UNC13D: variants seen among roughly 807,000 people sequenced by gnomAD.
UNC13D encodes protein unc-13 homolog D.
In UNC13D, 115 loss-of-function variants were observed where a neutral mutation model predicts 151.7. That is an observed-to-expected ratio of 0.76 (90% CI 0.65 to 0.88). UNC13D has a LOEUF of 0.88. UNC13D is among the 40% of genes least tolerant of loss of function. The pLI is 0.00. For synonymous variants in UNC13D, 588 were observed against 612.2 expected, an observed-to-expected ratio of 0.96 and a Z score of 0.58; for missense variants, 1,369 against 1,438.7, an observed-to-expected ratio of 0.95 and a Z score of 0.78.
rs931794659 is a variant in UNC13D at position 75,844,078 on chromosome 17, T to C, written c.117+143A>G. 2.9e-5 allele frequency: 42 copies of C among 1,473,032 alleles called. No individual in the cohort carries two copies. Among genetic ancestry groups the C allele is most frequent in the Admixed American group, 3.8e-5 (2 of 53,184 alleles). 91.2% of individuals were successfully genotyped at this position (1,473,032 alleles called of 1,614,324 possible). A position where few individuals can be genotyped will look rare whatever the true frequency, so the allele number is the denominator to read the frequency against. On this transcript the variant is annotated intron_variant, in intron 1 of 31. Coordinates refer to ENST00000207549, the MANE Select transcript of UNC13D (RefSeq NM_199242.3). ...CCCCTGCTCTGCTGGCCCAGGGGGC[T>C]CTCCCCAGGGTGGAGTAGGCAGGGG...
chr17:75,829,804 C>T, intron 30 of UNC13D: 1 of 567,846 alleles, frequency 1.8e-6, no homozygotes, highest in East Asian at 3.6e-5. Flanking sequence ...TCTTGAACTC[C>T]TGACCTCAAG....
chr17:75,833,112 C>G lies in UNC13D; in HGVS notation c.2368-67G>C. On this transcript the variant is annotated intron_variant, in intron 24 of 31. Transcript: ENST00000207549. The surrounding 1 kb of genome is among the most constrained non-coding windows in gnomAD (Gnocchi z 4.0). ...TTGGCCCCACCCCCATCCCCTTCCC[C>G]TGACCTGGAGGGAGGAAACAGGGCT... The G allele has an allele frequency of 6.7e-7, 1 of 1,492,926 alleles. No individual in the cohort carries two copies. Among genetic ancestry groups the G allele is most frequent in the Non-Finnish European group, 9.1e-7 (1 of 1,094,920 alleles). 92.5% of individuals were successfully genotyped at this position (1,492,926 alleles called of 1,614,324 possible).
intron 20 of UNC13D, 120 bp downstream of exon 20, chr17:75,835,289 G>A: frequency 7.1e-7 from 1 of 1,407,186 alleles, no homozygotes. Context: ...GGACTCAAGT[G>A]CACCCAAAAG....
chr17:75,843,704 C>T (rs765669941), intron 1 of UNC13D, 185 bp from the exon 2 acceptor site: 128 of 1,454,852 alleles, frequency 8.8e-5, no homozygotes, highest in African/African-American at 4.5e-4. Flanking sequence ...TCCCTGGGCC[C>T]GCCGTGGCTG....
intron 25 of UNC13D, 48 bp from the exon 26 acceptor site, chr17:75,831,396 C>T (rs374459513): frequency 1.1e-4 from 164 of 1,554,236 alleles, no homozygotes; most frequent in Non-Finnish European, 7.7e-5. Flanking sequence ...AGGGCGGTGG[C>T]GGAGGAGGAA....
chr17:75,827,598 GCTGGAACA>G lies in UNC13D; in HGVS notation c.*359_*366del. The G allele has an allele frequency of 3.9e-6, 6 of 1,535,474 alleles. No individual in the cohort carries two copies. The highest frequency in any genetic ancestry group is 5.2e-6 in the Non-Finnish European group (6 of 1,146,726). On this transcript the variant is annotated 3_prime_UTR_variant, in exon 32 of 32. Transcript: ENST00000207549. Reference sequence around the variant, plus strand: ...AGTGAACCTGGCCCCCACCCCAGTGGCTGGAACAGGAAGGCCAGGAGGCAGATGGGCCA... The same window carrying G: ...AGTGAACCTGGCCCCCACCCCAGTGGGGAAGGCCAGGAGGCAGATGGGCCA...
At position 75,833,509 on chromosome 17, in the gene UNC13D, A is replaced by T. The variant is rs2064886486; in HGVS notation, c.2368-464T>A. On this transcript the variant is annotated intron_variant, in intron 24 of 31. Transcript: ENST00000207549. The surrounding 1 kb of genome is among the most constrained non-coding windows in gnomAD (Gnocchi z 4.0). Reference sequence around the variant, plus strand: ...ACTGCATGTGTGTGCACGCGCATACACGCCTGTGCATAGAGTTAACAGCTA... The same window carrying T: ...ACTGCATGTGTGTGCACGCGCATACTCGCCTGTGCATAGAGTTAACAGCTA... Among the ~76,000 whole-genome samples the T allele has an allele frequency of 6.6e-6, 1 of 152,178 alleles. No homozygotes were observed. Among genetic ancestry groups the T allele is most frequent in the Non-Finnish European group, 1.5e-5 (1 of 68,034 alleles).
chr17:75,840,777 A>T lies in UNC13D; in HGVS notation c.668T>A (p.Leu223Gln). 6.2e-7 allele frequency: 1 copy of T among 1,613,986 alleles called. No individual in the cohort carries two copies. Among genetic ancestry groups the T allele is most frequent in the Non-Finnish European group, 8.5e-7 (1 of 1,180,034 alleles). ...VRQKLGELTD[L>Q]HGLRRIFKEA... is the part of the protein sequence containing the mutation. Reference sequence around the variant, plus strand: ...CAACACGAACCTGCGAAGCCCATGCAGATCCGTGAGCTCCCCAAGCTTCTG... The same window carrying T: ...CAACACGAACCTGCGAAGCCCATGCTGATCCGTGAGCTCCCCAAGCTTCTG... The change falls in exon 8 of 32, where the codon CTG (leucine) becomes CAG (glutamine). Residue 223 changes from leucine to glutamine, a missense_variant. By Grantham distance (113) the Leu-to-Gln change is moderately radical (BLOSUM62 -2). Transcript: ENST00000207549. The surrounding 1 kb of genome is among the most constrained non-coding windows in gnomAD (Gnocchi z 4.6).
chr17:75,833,151 T>A lies in UNC13D; in HGVS notation c.2368-106A>T, dbSNP rs1476877330. ...GGAAACAGGGCTGGGAACCGTTCTG[T>A]GAGAGCAGTTTGTAGTGTCTGTAAG... On this transcript the variant is annotated intron_variant, in intron 24 of 31. Coordinates refer to ENST00000207549, the MANE Select transcript of UNC13D (RefSeq NM_199242.3). The surrounding 1 kb of genome is among the most constrained non-coding windows in gnomAD (Gnocchi z 4.0). 2 of 1,158,852 alleles carry A rather than the reference T, an allele frequency of 1.7e-6. No homozygotes were observed. Among genetic ancestry groups the A allele is most frequent in the Non-Finnish European group, 2.5e-6 (2 of 799,620 alleles). The allele number at this position is 1,158,852 out of a possible 1,614,324, so 71.8% of individuals were successfully genotyped here. A position where few individuals can be genotyped will look rare whatever the true frequency, so the allele number is the denominator to read the frequency against.
rs1164359243 is a variant in UNC13D, at chr17:75,842,543, G to A, written c.459C>T (p.Ser153=). The A allele has an allele frequency of 6.2e-7, 1 of 1,612,474 alleles. No individual in the cohort carries two copies. Residue 153 remains serine, a synonymous_variant, in exon 6 of 32, where the codon TCC becomes TCT. Transcript: ENST00000207549. Reference sequence around the variant, plus strand: ...TCACCACAGCCTTCTGCCGATGCCGGGACCCGGGGCTGCCCCCTGGCACAC... The same window carrying A: ...TCACCACAGCCTTCTGCCGATGCCGAGACCCGGGGCTGCCCCCTGGCACAC... ...GVGVPGGSPG[S]RHRQKAVVRH...
chr17:75,831,233 G>A lies in UNC13D; in HGVS notation c.2553+10C>T. On this transcript the variant is annotated intron_variant, in intron 26 of 31. Coordinates refer to ENST00000207549, the MANE Select transcript of UNC13D (RefSeq NM_199242.3). ...ACCAGGGTTATCATTGCTGTGACCG[G>A]TTCTGTTACCTGCAGGGCAATCTTC... 6.2e-7 allele frequency: 1 copy of A among 1,614,120 alleles called. No individual in the cohort carries two copies. Among genetic ancestry groups the A allele is most frequent in the Non-Finnish European group, 8.5e-7 (1 of 1,180,016 alleles).
At position 75,844,400 on chromosome 17, in the gene UNC13D, T is replaced by G. The variant is rs1010198381; in HGVS notation, c.-63A>C. On this transcript the variant is annotated 5_prime_UTR_variant, in exon 1 of 32. Transcript: ENST00000207549. The stretch of plus-strand genomic sequence containing the variant: ...GGTGAAGACAGCGAAGCCACAGGAT[T>G]ATGCAAAGAGCCTGGGGCTGCCACC... 4 of 1,524,878 alleles carry G rather than the reference T, an allele frequency of 2.6e-6. No homozygotes were observed. Among genetic ancestry groups the G allele is most frequent in the Non-Finnish European group, 3.6e-6 (4 of 1,126,508 alleles). The allele number at this position is 1,524,878 out of a possible 1,614,324, so 94.5% of individuals were successfully genotyped here.
chr17:75,840,276 G>T lies in UNC13D; in HGVS notation c.807C>A (p.Thr269=). The T allele has an allele frequency of 6.2e-7, 1 of 1,614,022 alleles. No homozygotes were observed. The highest frequency in any genetic ancestry group is 8.5e-7 in the Non-Finnish European group (1 of 1,180,030). ...QWYPLEPRTE[T]YPDRGQCHLQ... is the part of the protein sequence containing the mutation. ...GGTGGCACTGGCCTCGGTCTGGGTA[G>T]GTCTCAGTGCGGGGTTCCAGGGGGT... Residue 269 remains threonine, a synonymous_variant, in exon 10 of 32, where the codon ACC becomes ACA. Coordinates refer to ENST00000207549, the MANE Select transcript of UNC13D (RefSeq NM_199242.3). This position sits in a 1 kb window ranked among gnomAD's most constrained non-coding sequence, Gnocchi z 4.6.
intron 2 of UNC13D, 107 bp from the exon 3 acceptor site, chr17:75,843,373 C>A (rs1203616253): frequency 6.4e-7 from 1 of 1,564,884 alleles, no homozygotes; most frequent in Non-Finnish European, 8.6e-7. Context: ...GGAGTTGAGA[C>A]CCAGGAGTCC....
At chr17:75,835,195 G>T in intron 20 of UNC13D, 132 bp from the exon 21 acceptor site, 2 of 1,481,602 alleles carry the variant, frequency 1.3e-6, no homozygotes, top group South Asian at 1.2e-5. Context: ...GCACGGCTCC[G>T]CCCAGACCCC....
intron 6 of UNC13D, 134 bp from the exon 7 acceptor site, chr17:75,841,135 CTTTTTTT>C (rs34691954): frequency 1.2e-4 from 37 of 307,388 alleles, no homozygotes; most frequent in East Asian, 4.6e-4. Context: ...AGCCGCATCC[CTTTTTTT>C]TTTTTTTTTT....
chr17:75,843,838 T>C (rs1250917566), intron 1 of UNC13D: 1 of 1,374,438 alleles, frequency 7.3e-7, no homozygotes, highest in Non-Finnish European at 9.4e-7. Context: ...GAAGTGAGGC[T>C]CGGCAGCGGA....
chr17:75,840,733 C>G lies in UNC13D; in HGVS notation c.683+29G>C, dbSNP rs146442308. The G allele has an allele frequency of 6.4e-5, 103 of 1,613,778 alleles. No individual in the cohort carries two copies. The East Asian group carries it at 2.3e-3, about 36-fold the overall frequency. On this transcript the variant is annotated intron_variant, in intron 8 of 31. Coordinates refer to ENST00000207549, the MANE Select transcript of UNC13D (RefSeq NM_199242.3). The surrounding 1 kb of genome is among the most constrained non-coding windows in gnomAD (Gnocchi z 4.6). ...GATGGAGGGCAAAAGGAGCCCCAAC[C>G]CCTTCCCTGTGAGCCCTGCAACACG...
rs1022932859 is a variant in UNC13D at position 75,827,372 on chromosome 17, G to A, written c.*593C>T. 1.8e-5 allele frequency: 24 copies of A among 1,300,058 alleles called. No homozygotes were observed. In the East Asian group the frequency reaches 2.1e-4, roughly 12 times the overall value. The allele number at this position is 1,300,058 out of a possible 1,614,324, so 80.5% of individuals were successfully genotyped here. On this transcript the variant is annotated 3_prime_UTR_variant, in exon 32 of 32. Transcript: ENST00000207549. The stretch of plus-strand genomic sequence containing the variant: ...TCCGTCTGTCTGTGCCAGCCCTGCC[G>A]CCTGCCAGCTCTTGCTCCCTCAGAG...
Sources: gnomAD v4.1 joint callset for allele counts (sites outside exome capture counted in the v4.1 genomes callset) on GRCh38, gnomAD v4.1.1 for gene constraint, Gnocchi (gnomAD v3.1) non-coding constraint, MANE v1.5 for transcripts, NCBI Gene and HGNC (gene_info 2026-07-23, HGNC 2026-07-21) for gene names.